The following GREB1 variants were observed in gnomAD, a reference collection of about 807,000 sequenced individuals.
GREB1 encodes the protein protein GREB1.
GREB1 carries 106 observed loss-of-function variants against 200.7 expected under a neutral mutation model. The ratio of observed to expected loss-of-function variants is 0.53; its 90% CI spans 0.45 to 0.62. The LOEUF (loss-of-function observed/expected upper bound fraction) is 0.62. GREB1 is among the 20% of genes least tolerant of loss of function. The pLI is 0.00. For missense variants in GREB1, 2,243 were observed against 2,556.8 expected (o/e 0.88, Z 2.65); for synonymous variants, 1,132 against 1,092.4 (o/e 1.04, Z -0.72).
intron 7 of GREB1, chr2:11,581,205 C>T (rs139254408): frequency 1.1e-5 from 6 of 565,932 alleles, no homozygotes; most frequent in East Asian, 5.8e-5. Context: ...CAAAACCTAC[C>T]GCTGTCTCTT....
intron 1 of GREB1, among the ~76,000 whole-genome samples, chr2:11,552,043 T>C (rs1187351641): frequency 1.3e-5 from 2 of 152,380 alleles, no homozygotes; most frequent in East Asian, 3.8e-4. Context: ...CAATCAGTTT[T>C]TCTAAGTGCC....
intron 1 of GREB1, among the ~76,000 whole-genome samples, chr2:11,505,079 A>C (rs1340913425): frequency 1.3e-5 from 2 of 152,114 alleles, no homozygotes; most frequent in African/African-American, 4.8e-5. Flanking sequence ...CTACAGGAGC[A>C]TGCAACCATG....
intron 9 of GREB1, chr2:11,587,434 A>G (rs767888078): frequency 3.1e-6 from 5 of 1,614,052 alleles, no homozygotes; most frequent in East Asian, 4.5e-5. Flanking sequence ...CAGAACCTGC[A>G]TCGCCCCGGA....
chr2:11,621,031 G>T, intron 23 of GREB1, 24 bp downstream of exon 23: 1 of 1,357,568 alleles, frequency 7.4e-7, no homozygotes. Flanking sequence ...TTGGGGTTAT[G>T]TGGGCTTGGA....
rs753435559 is a variant in GREB1, at chr2:11,634,186, G to T, written c.5047G>T (p.Glu1683Ter). ...VSLKHIMQHI[E>*]AAPDIMHYAL... ...TTTGAAGCACATCATGCAGCACATCGAGGCGGCCCCCGACATCATGCACTA... is the reference window on the plus strand; with the variant it reads ...TTTGAAGCACATCATGCAGCACATCTAGGCGGCCCCCGACATCATGCACTA... The change falls in exon 29 of 33, where the codon GAG becomes TAG. Residue 1683 changes from glutamate to a stop codon, truncating the protein, a stop_gained. Transcript: ENST00000381486. LOFTEE classifies it high-confidence loss of function. 1.2e-6 allele frequency: 2 copies of T among 1,614,098 alleles called. No homozygotes were observed. The highest frequency in any genetic ancestry group is 1.3e-5 in the African/African-American group (1 of 74,942).
chr2:11,564,464 G>C (rs1201982069), intron 3 of GREB1, among the ~76,000 whole-genome samples: 2 of 152,214 alleles, frequency 1.3e-5, no homozygotes. Flanking sequence ...AGGATTGCTT[G>C]AACCCAGACT....
chr2:11,635,498 G>A, intron 30 of GREB1, 93 bp downstream of exon 30: 2 of 1,447,988 alleles, frequency 1.4e-6, no homozygotes, highest in Non-Finnish European at 1.9e-6. Flanking sequence ...GGGAGGCCAT[G>A]TCTCTTTCAA....
At chr2:11,537,705 TTAGA>T (rs1490446863) in intron 1 of GREB1, among the ~76,000 whole-genome samples, 1 of 147,438 alleles carries the variant, frequency 6.8e-6, no homozygotes, top group Non-Finnish European at 1.5e-5. Flanking sequence ...ATATCATATA[TTAGA>T]TAAATATATG....
intron 4 of GREB1, among the ~76,000 whole-genome samples, chr2:11,570,228 G>A (rs1395866893): frequency 6.6e-6 from 1 of 152,034 alleles, no homozygotes; most frequent in East Asian, 1.9e-4. Flanking sequence ...GGCCAGCGTG[G>A]TGAAACCCTG....
chr2:11,636,792 GGGCAGGGGCAGAGGCAGGGACAGA>G (rs1685366217), intron 30 of GREB1, among the ~76,000 whole-genome samples: 1 of 85,146 alleles, frequency 1.2e-5, no homozygotes, highest in Admixed American at 1.3e-4. Flanking sequence ...GCACGGGCAT[GGGCAGGGGCAGAGGCAGGGACAGA>G]GGCAGGGGCA....
At chr2:11,562,086 C>T (rs1399501419) in intron 2 of GREB1, among the ~76,000 whole-genome samples, 1 of 152,174 alleles carries the variant, frequency 6.6e-6, no homozygotes, top group Non-Finnish European at 1.5e-5. Context: ...TCAACCAATT[C>T]GATACATATT....
At chr2:11,574,007 C>T (rs1678578188) in intron 4 of GREB1, among the ~76,000 whole-genome samples, 1 of 152,222 alleles carries the variant, frequency 6.6e-6, no homozygotes, top group Non-Finnish European at 1.5e-5. Flanking sequence ...TTCCAGGGAG[C>T]TCTGAAGGTT....
At chr2:11,564,045 G>A (rs1224559111) in intron 3 of GREB1, among the ~76,000 whole-genome samples, 1 of 152,174 alleles carries the variant, frequency 6.6e-6, no homozygotes, top group Non-Finnish European at 1.5e-5. Flanking sequence ...CTGTGGAGGG[G>A]TTGGAGGAAG....
chr2:11,581,520 G>A (rs1267016845), intron 7 of GREB1, among the ~76,000 whole-genome samples: 2 of 152,198 alleles, frequency 1.3e-5, no homozygotes, highest in African/African-American at 4.8e-5. Context: ...GGATATGGAT[G>A]AGAGGGGTGA....
rs370169872 is a variant in GREB1, at chr2:11,615,205, G to C, written c.3237G>C (p.Glu1079Asp). ...TTGTGAGCAACGAGGTTCCCTTGGA[G>C]AAGGGGGCTAGGAACGAGGCCTTGG... is the stretch of plus-strand genomic sequence containing the variant. ...AYFVSNEVPL[E>D]KGARNEALES... is the part of the protein sequence containing the mutation. Residue 1079 changes from glutamate (E) to aspartate (D), a missense_variant, in exon 20 of 33, where the codon GAG becomes GAC. Coordinates refer to ENST00000381486, the MANE Select transcript of GREB1 (RefSeq NM_014668.4). 2.5e-6 allele frequency: 4 copies of C among 1,614,096 alleles called. No individual in the cohort carries two copies. The African/African-American group carries it at 5.3e-5, about 22-fold the overall frequency.
chr2:11,640,884 A>G lies in GREB1; in HGVS notation c.*430A>G, dbSNP rs1572247321. On this transcript the variant is annotated 3_prime_UTR_variant, in exon 33 of 33. Coordinates refer to ENST00000381486, the MANE Select transcript of GREB1 (RefSeq NM_014668.4). This position sits in a 1 kb window ranked among gnomAD's most constrained non-coding sequence, Gnocchi z 4.6. ...TTCCCCTGTAACCTCCTACAAAGCA[A>G]TATTCCAAAGGAACATTTTAACTGT... 1.8e-5 allele frequency: 3 copies of G among 162,542 alleles called. No individual in the cohort carries two copies. The highest frequency in any genetic ancestry group is 7.2e-5 in the African/African-American group (3 of 41,766). The allele number at this position is 162,542 out of a possible 1,614,324, so 10.1% of individuals were successfully genotyped here. A position where few individuals can be genotyped will look rare whatever the true frequency, so the allele number is the denominator to read the frequency against.
intron 9 of GREB1, chr2:11,587,669 A>G: frequency 8.9e-6 from 12 of 1,351,430 alleles, no homozygotes; most frequent in Non-Finnish European, 1.1e-5. Context: ...TTTGGTGACT[A>G]AATGGAGTAC....
intron 1 of GREB1, among the ~76,000 whole-genome samples, chr2:11,544,745 CCT>C (rs111279800): frequency 0.022 from 3,411 of 152,244 alleles, 144 homozygotes; most frequent in African/African-American, 0.078. Flanking sequence ...GTCCTGCCCC[CCT>C]GTTTGCCTGC....
intron 14 of GREB1, 145 bp from the exon 15 acceptor site, chr2:11,598,535 G>C: frequency 1.3e-6 from 1 of 755,620 alleles, no homozygotes; most frequent in Non-Finnish European, 2.2e-6. Flanking sequence ...CTGTGTGGGA[G>C]TTTTTTCCCT....
Sources: gnomAD v4.1 joint callset for allele counts (sites outside exome capture counted in the v4.1 genomes callset) on GRCh38, gnomAD v4.1.1 for gene constraint, Gnocchi (gnomAD v3.1) non-coding constraint, MANE v1.5 for transcripts, NCBI Gene and HGNC (gene_info 2026-07-23, HGNC 2026-07-21) for gene names.